The following REV3L variants were observed in gnomAD, a reference collection of about 807,000 sequenced individuals.
REV3L encodes the protein DNA polymerase zeta catalytic subunit.
In REV3L, 69 loss-of-function variants were observed where a neutral mutation model predicts 299.4. The ratio of observed to expected loss-of-function variants is 0.23; its 90% confidence interval spans 0.19 to 0.28. The LOEUF (loss-of-function observed/expected upper bound fraction) is 0.28. REV3L is among the 10% of genes least tolerant of loss of function. The probability of loss-of-function intolerance (pLI) is 1.00; values close to 1 mark genes in which losing one functional copy is unlikely to be tolerated. For synonymous variants in REV3L, 1,238 were observed against 1,271.4 expected (o/e 0.97, Z 0.56); for missense variants, 3,128 against 3,693.8 (o/e 0.85, Z 3.97).
chr6:111,316,059 T>C (rs1478435871), intron 26 of REV3L, among the ~76,000 whole-genome samples: 1 of 151,732 alleles, frequency 6.6e-6, no homozygotes, highest in Non-Finnish European at 1.5e-5. Context: ...ACCAACATGG[T>C]GAAACCCCAT....
chr6:111,363,489 T>C (rs1778903377), intron 16 of REV3L, among the ~76,000 whole-genome samples: 1 of 152,076 alleles, frequency 6.6e-6, no homozygotes, highest in Non-Finnish European at 1.5e-5. Context: ...TTTTATTTTT[T>C]GGTAGAGACA....
intron 31 of REV3L, among the ~76,000 whole-genome samples, chr6:111,301,401 C>T (rs1253649077): frequency 1.3e-5 from 2 of 152,096 alleles, no homozygotes; most frequent in Non-Finnish European, 2.9e-5. Context: ...ACACCCCTCC[C>T]CTTTTGAAAC....
At chr6:111,307,815 AATTTAAGTTCTAGGGTATGTGCAGG>A (rs1396745843) in intron 30 of REV3L, 2 of 461,424 alleles carry the variant, frequency 4.3e-6, no homozygotes, top group African/African-American at 3.9e-5. Context: ...TTATTATTAT[AATTTAAGTTCTAGGGTATGTGCAGG>A]TTTGTTACAT....
rs1780166352 is a variant in REV3L at position 111,375,089 on chromosome 6, G to A, written c.3266C>T (p.Ser1089Leu). The A allele has an allele frequency of 1.2e-6, 2 of 1,613,858 alleles. No homozygotes were observed. The highest frequency in any genetic ancestry group is 1.3e-5 in the African/African-American group (1 of 75,030). The part of the protein sequence containing the change: ...KRSHAILSPP[S>L]PSYNAETEDC... ...TTCGGTTTCAGCATTGTAAGATGGTGAGGGAGGAGAAAGAATAGCATGTGA... is the reference window on the plus strand; with the variant it reads ...TTCGGTTTCAGCATTGTAAGATGGTAAGGGAGGAGAAAGAATAGCATGTGA... The change falls in exon 13 of 32, where the codon TCA (serine) becomes TTA (leucine). Residue 1089 changes from serine (S) to leucine (L), a missense_variant. Ser to Leu is a moderately radical substitution (Grantham distance 145, BLOSUM62 -2). Coordinates refer to ENST00000368802, the MANE Select transcript of REV3L (RefSeq NM_001372078.1).
At chr6:111,321,402 C>T (rs1774180690) in intron 26 of REV3L, among the ~76,000 whole-genome samples, 1 of 152,180 alleles carries the variant, frequency 6.6e-6, no homozygotes, top group African/African-American at 2.4e-5. Flanking sequence ...AAAGGATTAA[C>T]ATTTTTCCCT....
chr6:111,316,777 A>T (rs564727687), intron 26 of REV3L, among the ~76,000 whole-genome samples: 1 of 152,334 alleles, frequency 6.6e-6, no homozygotes, highest in African/African-American at 2.4e-5. Context: ...ATCTGTAATC[A>T]TATCATATAC....
At chr6:111,442,675 A>G (rs1788407228) in intron 1 of REV3L, among the ~76,000 whole-genome samples, 1 of 149,878 alleles carries the variant, frequency 6.7e-6, no homozygotes, top group Admixed American at 6.7e-5. Flanking sequence ...CTGCTTATTC[A>G]TTGCTCATTT....
intron 1 of REV3L, among the ~76,000 whole-genome samples, chr6:111,481,342 T>TAG: frequency 6.6e-6 from 1 of 152,324 alleles, no homozygotes; most frequent in Non-Finnish European, 1.5e-5. Context: ...ACCTATCTTA[T>TAG]AGAACACTTC....
intron 16 of REV3L, chr6:111,361,432 A>G (rs543481269): frequency 1.3e-4 from 17 of 133,802 alleles, no homozygotes; most frequent in Non-Finnish European, 2.4e-4. Flanking sequence ...AAAAAAAAAC[A>G]AAAAAAAAAA....
intron 20 of REV3L, chr6:111,349,008 G>GA (rs35782472): frequency 0.5 from 150,663 of 299,062 alleles, 27,376 homozygotes; most frequent in Non-Finnish European, 0.58. Context: ...TTAGACACAA[G>GA]AAAAAAAAAA....
At chr6:111,426,621 T>C (rs575122389) in intron 1 of REV3L, among the ~76,000 whole-genome samples, 1 of 152,220 alleles carries the variant, frequency 6.6e-6, no homozygotes, top group Non-Finnish European at 1.5e-5. Context: ...CAACAGTAGT[T>C]TGATGATTAA....
chr6:111,454,089 C>CT (rs1789878559), intron 1 of REV3L, among the ~76,000 whole-genome samples: 1 of 151,000 alleles, frequency 6.6e-6, no homozygotes, highest in Admixed American at 6.6e-5. Flanking sequence ...CGCTTACACA[C>CT]AATTTAATTT....
chr6:111,381,521 T>A, intron 9 of REV3L, 77 bp from the exon 10 acceptor site: 1 of 1,245,044 alleles, frequency 8.0e-7, no homozygotes, highest in Non-Finnish European at 1.1e-6. Flanking sequence ...TTGTGTAAAT[T>A]TGGAAGCATT....
At chr6:111,481,670 G>A (rs1162616460) in intron 1 of REV3L, among the ~76,000 whole-genome samples, 3 of 152,120 alleles carry the variant, frequency 2.0e-5, no homozygotes, top group Non-Finnish European at 4.4e-5. Flanking sequence ...ATCCCATAGG[G>A]CAATTCATAG....
At chr6:111,357,431 G>A (rs1235674873) in intron 17 of REV3L, among the ~76,000 whole-genome samples, 5 of 152,120 alleles carry the variant, frequency 3.3e-5, no homozygotes, top group African/African-American at 9.7e-5. Flanking sequence ...AGTGGCTCAC[G>A]CCTGTAATCC....
At chr6:111,392,725 T>C (rs2128256546) in intron 5 of REV3L, 151 bp downstream of exon 5, 1 of 522,578 alleles carries the variant, frequency 1.9e-6, no homozygotes, top group South Asian at 3.2e-5. Context: ...TTCCTTGTAA[T>C]ACACTAATGT....
intron 1 of REV3L, among the ~76,000 whole-genome samples, chr6:111,456,522 A>G (rs1014245252): frequency 3.9e-5 from 6 of 152,192 alleles, no homozygotes; most frequent in African/African-American, 1.2e-4. Context: ...CCCTATCTCA[A>G]AATCTGCCAG....
At chr6:111,377,625 G>C (rs952395736) in intron 12 of REV3L, 76 bp downstream of exon 12, 16 of 1,423,802 alleles carry the variant, frequency 1.1e-5, no homozygotes, top group Admixed American at 2.0e-5. Flanking sequence ...GTGTGAGCCA[G>C]AGCGCCTAGC....
At chr6:111,311,492 G>T in intron 28 of REV3L, 1 of 332,794 alleles carries the variant, frequency 3.0e-6, no homozygotes, top group Non-Finnish European at 5.4e-6. Context: ...AAACCATGTG[G>T]AATGACATGC....
Sources: allele counts gnomAD v4.1 joint callset (sites outside exome capture counted in the v4.1 genomes callset), GRCh38; gene constraint gnomAD v4.1.1; transcripts MANE v1.5; gene names NCBI Gene and HGNC (gene_info 2026-07-23, HGNC 2026-07-21).